NXPE2: variants seen among roughly 807,000 people sequenced by gnomAD.
NXPE2 encodes the protein NXPE family member 2.
A neutral mutation model predicts 34.4 loss-of-function variants in NXPE2; 34 were observed. The observed-to-expected ratio is 0.99, with a 90% CI of 0.75 to 1.31. NXPE2 has a LOEUF of 1.31. Among genes scored for constraint, NXPE2 ranks in the 40% most tolerant of loss-of-function variants. The pLI is 0.00. For missense variants in NXPE2, 649 were observed against 672.5 expected, an observed-to-expected ratio of 0.97 and a Z score of 0.39; for synonymous variants, 235 against 231.3, an observed-to-expected ratio of 1.02 and a Z score of -0.15.
chr11:114,500,925 G>A, the NXPE2 span, among the ~76,000 whole-genome samples: 1 of 152,242 alleles, frequency 6.6e-6, no homozygotes, highest in African/African-American at 2.4e-5. Context: ...AATCAGTTGA[G>A]TGTGTTTTGT....
the NXPE2 span, among the ~76,000 whole-genome samples, chr11:114,727,312 T>G: frequency 1.3e-5 from 2 of 152,060 alleles, no homozygotes; most frequent in African/African-American, 2.4e-5. Context: ...TGACCTCTCA[T>G]ATCTTCAGGA....
chr11:114,610,763 G>A, the NXPE2 span, among the ~76,000 whole-genome samples: 1 of 151,476 alleles, frequency 6.6e-6, no homozygotes, highest in South Asian at 2.1e-4. Flanking sequence ...GTGTTGCCTT[G>A]TCGGTAACCA....
chr11:114,502,519 A>T, the NXPE2 span, among the ~76,000 whole-genome samples: 2 of 152,190 alleles, frequency 1.3e-5, no homozygotes, highest in African/African-American at 4.8e-5. Context: ...TTCTAAGATT[A>T]TGAGACTTTA....
chr11:114,725,992 T>TATATATATATATATATAA, the NXPE2 span, among the ~76,000 whole-genome samples: 4 of 140,030 alleles, frequency 2.9e-5, no homozygotes, highest in African/African-American at 7.6e-5. Context: ...TATATATATA[T>TATATATATATATATATAA]AAAAAGAAAA....
the NXPE2 span, among the ~76,000 whole-genome samples, chr11:114,629,393 C>T: frequency 6.6e-6 from 1 of 151,878 alleles, no homozygotes; most frequent in African/African-American, 2.4e-5. Flanking sequence ...TGTAATCCAG[C>T]ATATAAACAG....
the NXPE2 span, among the ~76,000 whole-genome samples, chr11:114,547,175 C>G: frequency 1.5e-4 from 23 of 152,070 alleles, no homozygotes; most frequent in Middle Eastern, 3.2e-3. Context: ...GTGGAGAAAC[C>G]TGATGAACAT....
chr11:114,684,415 A>G (rs1951006135), intron 2 of NXPE2, among the ~76,000 whole-genome samples: 1 of 152,118 alleles, frequency 6.6e-6, no homozygotes. Flanking sequence ...CAACAGAGTG[A>G]GACTCCATCT....
At chr11:114,522,220 C>A in the NXPE2 span, 1 of 1,614,014 alleles carries the variant, frequency 6.2e-7, no homozygotes, top group Admixed American at 1.7e-5. Context: ...TTCTTAGGAA[C>A]AGTCTTTCAA....
chr11:114,499,024 T>C, the NXPE2 span, among the ~76,000 whole-genome samples: 1 of 152,102 alleles, frequency 6.6e-6, no homozygotes, highest in South Asian at 2.1e-4. Flanking sequence ...TGATACAGCT[T>C]TTGGAGTTAT....
chr11:114,549,671 C>A, the NXPE2 span, among the ~76,000 whole-genome samples: 1 of 151,948 alleles, frequency 6.6e-6, no homozygotes, highest in African/African-American at 2.4e-5. Context: ...AAATCAGGAA[C>A]AAGACAAGGA....
Position 114,706,794 on chromosome 11 carries a change from G to C in NXPE2, c.1544G>C (p.Arg515Thr). Residue 515 changes from arginine to threonine, a missense_variant, in exon 6 of 6, where the codon AGA (arginine) becomes ACA (threonine). Transcript: ENST00000389586. ...FHGYIQNLII[R>T]DIFVDLNVGI... ...GGCTATATTCAGAATCTTATCATAA[G>C]AGATATTTTTGTGGATCTTAATGTG... The C allele has an allele frequency of 6.4e-7, 1 of 1,552,332 alleles. No individual in the cohort carries two copies.
the NXPE2 span, among the ~76,000 whole-genome samples, chr11:114,736,380 T>A: frequency 2.0e-5 from 3 of 152,144 alleles, no homozygotes; most frequent in African/African-American, 7.2e-5. Flanking sequence ...CCCTCAGGGG[T>A]TCATTCTCTT....
chr11:114,538,615 C>T, the NXPE2 span, among the ~76,000 whole-genome samples: 41 of 152,052 alleles, frequency 2.7e-4, no homozygotes, highest in African/African-American at 5.8e-4. Flanking sequence ...AAAAAGTGGG[C>T]GAAGGATATG....
the NXPE2 span, among the ~76,000 whole-genome samples, chr11:114,651,402 G>A: frequency 6.6e-6 from 1 of 152,176 alleles, no homozygotes; most frequent in Non-Finnish European, 1.5e-5. Flanking sequence ...GCTGGCTTCA[G>A]GAGTGAAGCT....
the NXPE2 span, among the ~76,000 whole-genome samples, chr11:114,467,632 A>G: frequency 6.6e-6 from 1 of 152,092 alleles, no homozygotes; most frequent in South Asian, 2.1e-4. Context: ...CTGGCCTGCA[A>G]TGTCGCTTTT....
chr11:114,699,801 T>TCA (rs1331612435), intron 3 of NXPE2, among the ~76,000 whole-genome samples: 1 of 152,022 alleles, frequency 6.6e-6, no homozygotes, highest in Non-Finnish European at 1.5e-5. Context: ...CATTCATTTT[T>TCA]TTTTTTTTTT....
the NXPE2 span, chr11:114,522,159 T>C: frequency 6.2e-7 from 1 of 1,614,098 alleles, no homozygotes; most frequent in Non-Finnish European, 8.5e-7. Flanking sequence ...TCTGTCTCTA[T>C]GTGCATCTCC....
At chr11:114,637,047 A>G in the NXPE2 span, among the ~76,000 whole-genome samples, 1 of 151,990 alleles carries the variant, frequency 6.6e-6, no homozygotes, top group Non-Finnish European at 1.5e-5. Flanking sequence ...TGATCTGTCT[A>G]ATGTTGACAG....
chr11:114,635,488 C>T, the NXPE2 span, among the ~76,000 whole-genome samples: 5 of 151,978 alleles, frequency 3.3e-5, no homozygotes, highest in African/African-American at 1.2e-4. Context: ...CTGGCCAGAA[C>T]TTCCAGCACT....
Sources: gnomAD v4.1 joint callset for allele counts (sites outside exome capture counted in the v4.1 genomes callset) on GRCh38, gnomAD v4.1.1 for gene constraint, MANE v1.5 for transcripts, NCBI Gene and HGNC (gene_info 2026-07-23, HGNC 2026-07-21) for gene names.